The following MAN2B1 variants were observed in gnomAD, a reference collection of about 807,000 sequenced individuals.
The protein encoded by MAN2B1 is lysosomal alpha-mannosidase.
Under a neutral mutation model 127.5 loss-of-function variants are expected in MAN2B1, and 99 were observed. The observed-to-expected ratio is 0.78, with a 90% CI of 0.66 to 0.92. MAN2B1 has a LOEUF of 0.92. Ranked by LOEUF, MAN2B1 falls within the 40% of genes least tolerant of loss-of-function variation. MAN2B1 has a pLI of 0.00. For missense variants in MAN2B1, 1,304 were observed against 1,384.8 expected (o/e 0.94, Z 0.93); for synonymous variants, 573 against 568.8 (o/e 1.01, Z -0.11).
chr19:12,663,957 G>C (rs937124126), intron 4 of MAN2B1, 122 bp from the exon 5 acceptor site: 1 of 1,322,504 alleles, frequency 7.6e-7, no homozygotes, highest in Admixed American at 1.8e-5. Context: ...GGTCGATGTG[G>C]TGGCTCTTGC....
intron 14 of MAN2B1, among the ~76,000 whole-genome samples, chr19:12,652,922 C>A (rs1053646723): frequency 6.6e-6 from 1 of 151,412 alleles, no homozygotes; most frequent in Non-Finnish European, 1.5e-5. Flanking sequence ...ACAGCCTCTG[C>A]CCCTGGGTTC....
chr19:12,654,458 A>G (rs2023914426), intron 14 of MAN2B1, among the ~76,000 whole-genome samples: 1 of 152,056 alleles, frequency 6.6e-6, no homozygotes, highest in African/African-American at 2.4e-5. Flanking sequence ...TGTTCCCCAC[A>G]ACAGCCAGAG....
chr19:12,656,404 C>T (rs2023958851), intron 13 of MAN2B1, 167 bp downstream of exon 13: 2 of 624,796 alleles, frequency 3.2e-6, no homozygotes, highest in Non-Finnish European at 5.7e-6. Context: ...CATATGTTCC[C>T]AAGGGGAGAC....
intron 11 of MAN2B1, 175 bp from the exon 12 acceptor site, chr19:12,657,231 C>G: frequency 1.4e-6 from 1 of 708,796 alleles, no homozygotes; most frequent in Non-Finnish European, 2.5e-6. Flanking sequence ...TCTCCGCCTC[C>G]TCTTGCCCAC....
rs1252431655 is a variant in MAN2B1 at position 12,647,639 on chromosome 19, GC to G, written c.2665-42del. On this transcript the variant is annotated intron_variant, in intron 21 of 23. Coordinates refer to ENST00000456935, the MANE Select transcript of MAN2B1 (RefSeq NM_000528.4). The surrounding 1 kb of genome is among the most constrained non-coding windows in gnomAD (Gnocchi z 4.9). Reference sequence around the variant, plus strand: ...CGGGGCTGAGTTGGAGAGGGGCGGGGCCTGGATGGAGAAGGGCGGGGCCGAG... The same window carrying G: ...CGGGGCTGAGTTGGAGAGGGGCGGGGCTGGATGGAGAAGGGCGGGGCCGAG... The G allele has an allele frequency of 1.3e-6, 2 of 1,579,640 alleles. No individual in the cohort carries two copies. Among genetic ancestry groups the G allele is most frequent in the African/African-American group, 1.4e-5 (1 of 73,956 alleles).
chr19:12,665,250 G>A (rs1013208373), intron 3 of MAN2B1, 102 bp downstream of exon 3: 27 of 1,435,602 alleles, frequency 1.9e-5, no homozygotes, highest in Non-Finnish European at 2.3e-5. Context: ...CGACACGCAT[G>A]TTATACAGCT....
At chr19:12,665,964 G>C in intron 1 of MAN2B1, 159 bp from the exon 2 acceptor site, 1 of 693,212 alleles carries the variant, frequency 1.4e-6, no homozygotes, top group East Asian at 2.7e-5. Flanking sequence ...CACATACATA[G>C]TTGTGCTCAT....
At position 12,647,189 on chromosome 19, in the gene MAN2B1, C is replaced by T. The variant is rs575652042; in HGVS notation, c.2923+44G>A. 2 of 1,542,984 alleles carry T rather than the reference C, an allele frequency of 1.3e-6. No homozygotes were observed. Among genetic ancestry groups the T allele is most frequent in the Non-Finnish European group, 1.8e-6 (2 of 1,115,478 alleles). Reference sequence around the variant, plus strand: ...ACACATTGCCCCCACCTGCCGGCCCCAGGTAAGACTCCACCCCTTCCCTAC... The same window carrying T: ...ACACATTGCCCCCACCTGCCGGCCCTAGGTAAGACTCCACCCCTTCCCTAC... On this transcript the variant is annotated intron_variant, in intron 23 of 23. Transcript: ENST00000456935. This position sits in a 1 kb window ranked among gnomAD's most constrained non-coding sequence, Gnocchi z 4.9.
chr19:12,663,588 C>G, intron 5 of MAN2B1, 115 bp downstream of exon 5: 1 of 1,543,614 alleles, frequency 6.5e-7, no homozygotes, highest in Non-Finnish European at 8.8e-7. Flanking sequence ...AATGCAGGGC[C>G]TTTGTTCCCA....
rs1251318921 is a variant in MAN2B1, at chr19:12,666,715, C to T, written c.-14G>A. ...GTAGGCGCCCATGGCTCAGCAGCTTCCTCCTGGGGTTCCCCGGCCCTGGAA... is the reference window on the plus strand; with the variant it reads ...GTAGGCGCCCATGGCTCAGCAGCTTTCTCCTGGGGTTCCCCGGCCCTGGAA... On this transcript the variant is annotated 5_prime_UTR_variant, in exon 1 of 24. Coordinates refer to ENST00000456935, the MANE Select transcript of MAN2B1 (RefSeq NM_000528.4). 4 of 1,547,028 alleles carry T rather than the reference C, an allele frequency of 2.6e-6. No homozygotes were observed. The highest frequency in any genetic ancestry group is 3.9e-5 in the Admixed American group (2 of 50,938).
In MAN2B1 at chr19:12,659,155, C is replaced by T. The variant is rs547204146; in HGVS notation, c.1027-645G>A. The T allele has an allele frequency of 3.1e-5, 5 of 159,512 alleles. No homozygotes were observed. The East Asian group carries it at 7.2e-4, about 23-fold the overall frequency. 9.9% of individuals were successfully genotyped at this position (159,512 alleles called of 1,614,324 possible). The stretch of plus-strand genomic sequence containing the variant: ...TACAGGCATGAGCCACCGTGCCCGG[C>T]CTAGACACAATTTTTATAATGAATG... On this transcript the variant is annotated intron_variant, in intron 7 of 23. Transcript: ENST00000456935.
chr19:12,649,182 C>T lies in MAN2B1; in HGVS notation c.2390G>A (p.Arg797His), dbSNP rs750957781. The T allele has an allele frequency of 2.6e-5, 42 of 1,612,912 alleles. No homozygotes were observed. Among genetic ancestry groups the T allele is most frequent in the Non-Finnish European group, 3.5e-5 (41 of 1,179,990 alleles). Residue 797 changes from arginine (R) to histidine (H), a missense_variant, in exon 20 of 24, where the codon CGC becomes CAC. Arg to His is a conservative substitution (Grantham distance 29). Transcript: ENST00000456935. ...GNMQLTVLTD[R>H]SQGGSSLRDG... is the part of the protein sequence containing the mutation. ...TCTCAGGCTGCTGCCCCCCTGGGAGCGGTCAGTCAGCACAGTCAGCTGCAT... is the reference window on the plus strand; with the variant it reads ...TCTCAGGCTGCTGCCCCCCTGGGAGTGGTCAGTCAGCACAGTCAGCTGCAT...
At position 12,648,405 on chromosome 19, in the gene MAN2B1, G is replaced by A. The variant is rs769427198; in HGVS notation, c.2437-3C>T. 1 of 1,607,600 alleles carries A rather than the reference G, an allele frequency of 6.2e-7. No individual in the cohort carries two copies. The highest frequency in any genetic ancestry group is 8.5e-7 in the Non-Finnish European group (1 of 1,175,498). ...TCCTTCAGCAGCCTTCGGTGCACCT[G>A]GGGGGAGAGTGGCCAGGAGGGGGTG... On this transcript the variant is annotated splice_polypyrimidine_tract_variant and splice_region_variant and intron_variant, in intron 20 of 23. Transcript: ENST00000456935.
chr19:12,661,232 A>C (rs766153477), intron 7 of MAN2B1, 28 bp downstream of exon 7: 5 of 1,525,324 alleles, frequency 3.3e-6, no homozygotes, highest in Middle Eastern at 1.8e-4. Context: ...ACATGTGCAC[A>C]AGGGTACCAC....
rs1265173469 is a variant in MAN2B1 at position 12,656,563 on chromosome 19, G to A, written c.1644+8C>T. 1 of 1,603,212 alleles carries A rather than the reference G, an allele frequency of 6.2e-7. No individual in the cohort carries two copies. Among genetic ancestry groups the A allele is most frequent in the East Asian group, 2.2e-5 (1 of 44,806 alleles). ...CCCAGCGGGGGAATATTCGTTGTTT[G>A]GGCTCACATCGCTGGGCACTGTCCT... On this transcript the variant is annotated splice_region_variant and intron_variant, in intron 13 of 23. Coordinates refer to ENST00000456935, the MANE Select transcript of MAN2B1 (RefSeq NM_000528.4).
intron 6 of MAN2B1, among the ~76,000 whole-genome samples, chr19:12,662,544 C>T (rs1313809836): frequency 1.3e-5 from 2 of 152,124 alleles, no homozygotes; most frequent in African/African-American, 2.4e-5. Flanking sequence ...GCAGAAGAAT[C>T]GCTTGGACCC....
At position 12,649,135 on chromosome 19, in the gene MAN2B1, C is replaced by G; in HGVS notation, c.2436+1G>C. 1 of 1,611,818 alleles carries G rather than the reference C, an allele frequency of 6.2e-7. No individual in the cohort carries two copies. Among genetic ancestry groups the G allele is most frequent in the Non-Finnish European group, 8.5e-7 (1 of 1,179,662 alleles). On this transcript the variant is annotated splice_donor_variant, in intron 20 of 23. Transcript: ENST00000456935. LOFTEE classifies it high-confidence loss of function. Reference sequence around the variant, plus strand: ...CTCGGATGGGGCTCTGACCCACTCACCATGAGCTCCAGCGAGCCATCTCTC... The same window carrying G: ...CTCGGATGGGGCTCTGACCCACTCAGCATGAGCTCCAGCGAGCCATCTCTC...
intron 23 of MAN2B1, 76 bp from the exon 24 acceptor site, chr19:12,646,808 T>C (rs1385888370): frequency 1.9e-6 from 2 of 1,055,378 alleles, no homozygotes; most frequent in African/African-American, 1.6e-5. Flanking sequence ...CTTCCTCCCC[T>C]GGGTCTAGAC....
At chr19:12,665,229 G>T (rs2024200717) in intron 3 of MAN2B1, 123 bp downstream of exon 3, 3 of 1,277,954 alleles carry the variant, frequency 2.3e-6, no homozygotes, top group South Asian at 1.2e-5. Flanking sequence ...GGAGAGTCCA[G>T]GCAGGCGGAG....
Sources: allele counts gnomAD v4.1 joint callset (sites outside exome capture counted in the v4.1 genomes callset), GRCh38; gene constraint gnomAD v4.1.1; non-coding constraint Gnocchi (gnomAD v3.1); transcripts MANE v1.5; gene names NCBI Gene and HGNC (gene_info 2026-07-23, HGNC 2026-07-21).